The following PARD3 variants were observed in gnomAD, a reference collection of about 807,000 sequenced individuals.
PARD3 encodes partitioning defective 3 homolog.
PARD3 carries 75 observed loss-of-function variants against 155.4 expected under a neutral mutation model. The ratio of observed to expected loss-of-function variants is 0.48; its 90% CI spans 0.40 to 0.58. PARD3 has a LOEUF of 0.58. Ranked by LOEUF, PARD3 falls within the 20% of genes least tolerant of loss-of-function variation. The probability of loss-of-function intolerance (pLI) is 0.00; values close to 1 mark genes in which losing one functional copy is unlikely to be tolerated. For synonymous variants in PARD3, 576 were observed against 610.5 expected, an observed-to-expected ratio of 0.94 and a Z score of 0.83; for missense variants, 1,642 against 1,721.7, an observed-to-expected ratio of 0.95 and a Z score of 0.82.
chr10:34,509,048 T>A, intron 3 of PARD3, among the ~76,000 whole-genome samples: 1 of 152,206 alleles, frequency 6.6e-6, no homozygotes, highest in South Asian at 2.1e-4. Context: ...GTACTCTTTC[T>A]GAAATGTAAA....
chr10:34,573,337 CAG>C (rs1244676430), intron 2 of PARD3, among the ~76,000 whole-genome samples: 1 of 151,598 alleles, frequency 6.6e-6, no homozygotes, highest in African/African-American at 2.4e-5. Flanking sequence ...GCCTAGGCAA[CAG>C]AGTAAGACCC....
chr10:34,595,751 T>C (rs2089191744), intron 2 of PARD3, among the ~76,000 whole-genome samples: 1 of 152,074 alleles, frequency 6.6e-6, no homozygotes, highest in Non-Finnish European at 1.5e-5. Context: ...GAATTCATTA[T>C]TTAGGTTAAA....
chr10:34,194,643 C>G (rs555455607), intron 22 of PARD3, among the ~76,000 whole-genome samples: 105 of 113,224 alleles, frequency 9.3e-4, no homozygotes, highest in Non-Finnish European at 1.7e-3. Context: ...CTTAAATTAA[C>G]ACTTTTTTTT....
At chr10:34,646,555 A>G (rs1293494292) in intron 2 of PARD3, among the ~76,000 whole-genome samples, 2 of 152,254 alleles carry the variant, frequency 1.3e-5, no homozygotes, top group East Asian at 3.8e-4. Flanking sequence ...CAGGATCATC[A>G]CCACTAATAA....
chr10:34,301,279 A>G (rs1359383035), intron 20 of PARD3, among the ~76,000 whole-genome samples: 1 of 152,054 alleles, frequency 6.6e-6, no homozygotes, highest in Admixed American at 6.6e-5. Flanking sequence ...CTGACTAATC[A>G]CTCCATGTAG....
At chr10:34,430,728 T>A (rs1410109753) in intron 5 of PARD3, among the ~76,000 whole-genome samples, 1 of 152,224 alleles carries the variant, frequency 6.6e-6, no homozygotes, top group Non-Finnish European at 1.5e-5. Context: ...CGCTATGGTA[T>A]TAAAGCTTCT....
At chr10:34,447,612 C>A (rs906300049) in intron 5 of PARD3, among the ~76,000 whole-genome samples, 3 of 149,176 alleles carry the variant, frequency 2.0e-5, no homozygotes, top group African/African-American at 7.4e-5. Flanking sequence ...ACCACCTTGA[C>A]CAACATGATG....
intron 3 of PARD3, among the ~76,000 whole-genome samples, chr10:34,503,425 T>C (rs2080844692): frequency 6.6e-6 from 1 of 152,228 alleles, no homozygotes; most frequent in African/African-American, 2.4e-5. Flanking sequence ...ATCTTAAACA[T>C]GGGATCTATC....
intron 20 of PARD3, among the ~76,000 whole-genome samples, chr10:34,293,670 T>C (rs1956775861): frequency 6.6e-6 from 1 of 152,196 alleles, no homozygotes. Flanking sequence ...TAATGCATTA[T>C]TGTTTCATAA....
At chr10:34,610,133 T>A (rs978764837) in intron 2 of PARD3, among the ~76,000 whole-genome samples, 3 of 152,192 alleles carry the variant, frequency 2.0e-5, no homozygotes, top group African/African-American at 7.2e-5. Flanking sequence ...TCCTACACTA[T>A]TTAAAGTGCA....
chr10:34,348,608 C>G (rs1187285695), intron 14 of PARD3, among the ~76,000 whole-genome samples: 2 of 152,168 alleles, frequency 1.3e-5, no homozygotes, highest in Admixed American at 1.3e-4. Flanking sequence ...ATTACCTACT[C>G]TACAAGACCT....
chr10:34,150,341 C>T (rs1948718496), intron 22 of PARD3, among the ~76,000 whole-genome samples: 2 of 152,088 alleles, frequency 1.3e-5, no homozygotes, highest in African/African-American at 2.4e-5. Flanking sequence ...TGGCAGTCAT[C>T]GACATATACA....
At chr10:34,187,630 T>C (rs1950544083) in intron 22 of PARD3, among the ~76,000 whole-genome samples, 1 of 152,210 alleles carries the variant, frequency 6.6e-6, no homozygotes, top group Non-Finnish European at 1.5e-5. Context: ...ATTTAGCCCC[T>C]AAAATGTTTT....
Position 34,341,856 on chromosome 10 carries a change from C to A in PARD3, c.2219-40G>T, listed in dbSNP as rs564960367. 163 of 1,267,442 alleles carry A rather than the reference C, an allele frequency of 1.3e-4. 2 individuals carry two copies. The Admixed American group carries it at 1.6e-3, about 12-fold the overall frequency. 78.5% of individuals were successfully genotyped at this position (1,267,442 alleles called of 1,614,324 possible). ...AAGAAGAAGAGAAAATTCTAGACAT[C>A]GATCAAAGTGTTACATCTATTAATT... On this transcript the variant is annotated intron_variant, in intron 15 of 24. Coordinates refer to ENST00000374788, the MANE Select transcript of PARD3 (RefSeq NM_001184785.2).
chr10:34,369,219 C>T (rs1029493430), intron 12 of PARD3, among the ~76,000 whole-genome samples: 1 of 152,272 alleles, frequency 6.6e-6, no homozygotes, highest in Admixed American at 6.5e-5. Context: ...CTGTGGGCCG[C>T]ATGTGGTCCA....
chr10:34,328,150 C>A (rs1353656027), intron 19 of PARD3, among the ~76,000 whole-genome samples: 1 of 152,110 alleles, frequency 6.6e-6, no homozygotes, highest in Non-Finnish European at 1.5e-5. Flanking sequence ...ATTTGATAGA[C>A]AATTTTTTTT....
intron 2 of PARD3, among the ~76,000 whole-genome samples, chr10:34,674,283 C>G (rs2093661629): frequency 6.6e-6 from 1 of 152,108 alleles, no homozygotes; most frequent in African/African-American, 2.4e-5. Flanking sequence ...CCACCTTTTT[C>G]TAGAAAGATC....
At chr10:34,368,453 A>G (rs1259133981) in intron 12 of PARD3, among the ~76,000 whole-genome samples, 1 of 152,028 alleles carries the variant, frequency 6.6e-6, no homozygotes, top group Non-Finnish European at 1.5e-5. Flanking sequence ...CAGGTGGATC[A>G]TGAGGTCAGG....
chr10:34,774,758 G>A (rs1358039989), intron 1 of PARD3, among the ~76,000 whole-genome samples: 1 of 152,202 alleles, frequency 6.6e-6, no homozygotes, highest in East Asian at 1.9e-4. Context: ...CTACCTGCAT[G>A]CACATATGTC....
Sources: gnomAD v4.1 joint callset for allele counts (sites outside exome capture counted in the v4.1 genomes callset) on GRCh38, gnomAD v4.1.1 for gene constraint, MANE v1.5 for transcripts, NCBI Gene and HGNC (gene_info 2026-07-23, HGNC 2026-07-21) for gene names.